SLC1A4: variants seen among roughly 807,000 people sequenced by gnomAD.
SLC1A4 encodes solute carrier family 1 member 4, also known as neutral amino acid transporter A.
Under a neutral mutation model 37.7 loss-of-function variants are expected in SLC1A4, and 19 were observed. The observed-to-expected ratio is 0.50, with a 90% CI of 0.35 to 0.74. The LOEUF (loss-of-function observed/expected upper bound fraction) is 0.74, where lower values mean the gene tolerates loss of function less well. Among genes scored for constraint, SLC1A4 ranks in the 30% least tolerant of loss-of-function variants. The pLI is 0.01. For synonymous variants in SLC1A4, 299 were observed against 309.8 expected, an observed-to-expected ratio of 0.97 and a Z score of 0.37; for missense variants, 570 against 712.9, an observed-to-expected ratio of 0.80 and a Z score of 2.28.
rs537247092 is a variant in SLC1A4, at chr2:65,003,937, T to G, written c.571-16T>G. On this transcript the variant is annotated splice_polypyrimidine_tract_variant and intron_variant, in intron 2 of 7. Coordinates refer to ENST00000234256, the MANE Select transcript of SLC1A4 (RefSeq NM_003038.5). ...CTGTGCACTAACAGTGGGTTTTTTT[T>G]TCCTCTTGATCACAGTATGCAACCG... 1.9e-6 allele frequency: 3 copies of G among 1,612,946 alleles called. No homozygotes were observed. The highest frequency in any genetic ancestry group is 4.5e-5 in the East Asian group (2 of 44,884).
chr2:64,998,429 A>AG (rs1283334481), intron 1 of SLC1A4, among the ~76,000 whole-genome samples: 1 of 152,114 alleles, frequency 6.6e-6, no homozygotes, highest in East Asian at 1.9e-4. Context: ...CAAAAAAAAA[A>AG]AAAAAAATCT....
chr2:65,003,695 A>G (rs533148471), intron 2 of SLC1A4, among the ~76,000 whole-genome samples: 46 of 152,340 alleles, frequency 3.0e-4, no homozygotes, highest in Non-Finnish European at 2.5e-4. Context: ...CATTGCCCAA[A>G]GAACATAAGG....
chr2:64,989,605 G>C lies in SLC1A4; in HGVS notation c.-39G>C. 1 of 1,440,994 alleles carries C rather than the reference G, an allele frequency of 6.9e-7. No individual in the cohort carries two copies. The highest frequency in any genetic ancestry group is 9.1e-7 in the Non-Finnish European group (1 of 1,099,346). The allele number at this position is 1,440,994 out of a possible 1,614,324, so 89.3% of individuals were successfully genotyped here. A position where few individuals can be genotyped will look rare whatever the true frequency, so the allele number is the denominator to read the frequency against. ...AACCCCGTCTTTTGCCAGAGCCCAC[G>C]TCCCCTGCCACCTCTAGCTCGGAGC... is the stretch of plus-strand genomic sequence containing the variant. On this transcript the variant is annotated 5_prime_UTR_variant, in exon 1 of 8. Coordinates refer to ENST00000234256, the MANE Select transcript of SLC1A4 (RefSeq NM_003038.5).
intron 5 of SLC1A4, among the ~76,000 whole-genome samples, 171 bp downstream of exon 5, chr2:65,016,844 C>T (rs1156993944): frequency 1.3e-5 from 2 of 152,150 alleles, no homozygotes; most frequent in Non-Finnish European, 2.9e-5. Flanking sequence ...AGGATCTTCC[C>T]GTGATTGCCC....
At chr2:65,015,416 G>GA (rs962565263) in intron 4 of SLC1A4, among the ~76,000 whole-genome samples, 4 of 151,756 alleles carry the variant, frequency 2.6e-5, no homozygotes, top group African/African-American at 7.3e-5. Flanking sequence ...GGGTGAAAAA[G>GA]AAAAAAACAC....
rs796519299 is a variant in SLC1A4, at chr2:64,993,759, G to C, written c.527+3589G>C. 5.3e-5 allele frequency among the ~76,000 whole-genome samples: 8 copies of C among 152,286 alleles called. 1 individual carries two copies. The highest frequency in any genetic ancestry group is 1.9e-4 in the African/African-American group (8 of 41,544). ...CATGTCCATAACTTTTCCATTCCTT[G>C]GTTTCCTCATCTTTATTATGGGAAT... On this transcript the variant is annotated intron_variant, in intron 1 of 7. Transcript: ENST00000234256.
chr2:64,998,298 G>A (rs1673342062), intron 1 of SLC1A4, among the ~76,000 whole-genome samples: 1 of 151,658 alleles, frequency 6.6e-6, no homozygotes, highest in Non-Finnish European at 1.5e-5. Context: ...GTGCACACCT[G>A]TAGTCCCAAC....
chr2:65,011,220 G>C (rs1673904815), intron 4 of SLC1A4: 1 of 153,528 alleles, frequency 6.5e-6, no homozygotes, highest in Non-Finnish European at 1.4e-5. Context: ...ACAAGGACAA[G>C]TCCATTTTCA....
intron 3 of SLC1A4, among the ~76,000 whole-genome samples, chr2:65,005,531 G>A (rs1673638665): frequency 6.6e-6 from 1 of 152,134 alleles, no homozygotes; most frequent in African/African-American, 2.4e-5. Flanking sequence ...TGCTTTCCAG[G>A]TAAGTGGCTC....
chr2:64,997,824 G>A (rs769111506), intron 1 of SLC1A4, among the ~76,000 whole-genome samples: 10 of 151,638 alleles, frequency 6.6e-5, no homozygotes, highest in African/African-American at 2.0e-4. Context: ...GGAGTGGGCC[G>A]GGCGTGGTGG....
chr2:65,004,339 T>C (rs1673594208), intron 3 of SLC1A4, among the ~76,000 whole-genome samples: 2 of 152,226 alleles, frequency 1.3e-5, no homozygotes, highest in African/African-American at 4.8e-5. Flanking sequence ...TGAACTGAAC[T>C]CTTGGCCTCA....
chr2:64,996,957 G>C (rs932951100), intron 1 of SLC1A4, among the ~76,000 whole-genome samples: 1 of 152,190 alleles, frequency 6.6e-6, no homozygotes, highest in Admixed American at 6.5e-5. Flanking sequence ...GATTAGAAGA[G>C]AGCTCAGGAG....
chr2:65,018,260 C>T lies in SLC1A4; in HGVS notation c.1224C>T (p.Thr408=), dbSNP rs1363405707. Residue 408 remains threonine, a synonymous_variant, in exon 6 of 8, where the codon ACC becomes ACT. Transcript: ENST00000234256. The surrounding 1 kb of genome is among the most constrained non-coding windows in gnomAD (Gnocchi z 4.3). The part of the protein sequence containing the change: ...NVELNAGQIF[T]ILVTATASSV... Reference sequence around the variant, plus strand: ...AGCTCAACGCAGGACAGATTTTCACCATTCTGTAAGTTCCTCATTCTTTCC... The same window carrying T: ...AGCTCAACGCAGGACAGATTTTCACTATTCTGTAAGTTCCTCATTCTTTCC... The T allele has an allele frequency of 1.2e-6, 2 of 1,612,140 alleles. No homozygotes were observed. The highest frequency in any genetic ancestry group is 1.3e-5 in the African/African-American group (1 of 74,968).
Position 65,021,568 on chromosome 2 carries a change from T to C in SLC1A4, c.*422T>C, listed in dbSNP as rs887757829. The C allele has an allele frequency of 4.3e-5, 7 of 163,432 alleles. No homozygotes were observed. Among genetic ancestry groups the C allele is most frequent in the African/African-American group, 1.7e-4 (7 of 41,748 alleles). 10.1% of individuals were successfully genotyped at this position (163,432 alleles called of 1,614,324 possible). ...GGGGGTTTATAGTCATCTGTCGCATTGCCTCGAGTTGCAGTAATTGAAAAA... is the reference window on the plus strand; with the variant it reads ...GGGGGTTTATAGTCATCTGTCGCATCGCCTCGAGTTGCAGTAATTGAAAAA... On this transcript the variant is annotated 3_prime_UTR_variant, in exon 8 of 8. Coordinates refer to ENST00000234256, the MANE Select transcript of SLC1A4 (RefSeq NM_003038.5).
chr2:65,016,705 G>T (rs756488611), intron 5 of SLC1A4, 32 bp downstream of exon 5: 6 of 1,458,808 alleles, frequency 4.1e-6, no homozygotes, highest in Non-Finnish European at 5.8e-6. Context: ...TCACTGCTCT[G>T]AGCCATGTTA....
At chr2:64,992,972 T>C (rs996603082) in intron 1 of SLC1A4, among the ~76,000 whole-genome samples, 1 of 152,256 alleles carries the variant, frequency 6.6e-6, no homozygotes, top group Non-Finnish European at 1.5e-5. Context: ...GGAGAGTCTC[T>C]GACATCAAAA....
chr2:64,989,564 C>T lies in SLC1A4; in HGVS notation c.-80C>T. 1 of 1,289,592 alleles carries T rather than the reference C, an allele frequency of 7.8e-7. No homozygotes were observed. The allele number at this position is 1,289,592 out of a possible 1,614,324, so 79.9% of individuals were successfully genotyped here. A position where few individuals can be genotyped will look rare whatever the true frequency, so the allele number is the denominator to read the frequency against. Reference sequence around the variant, plus strand: ...AACCTGCGGAGCACAACTGGCCGACCGACCCATTCATTGGGAACCCCGTCT... The same window carrying T: ...AACCTGCGGAGCACAACTGGCCGACTGACCCATTCATTGGGAACCCCGTCT... On this transcript the variant is annotated 5_prime_UTR_variant, in exon 1 of 8. Transcript: ENST00000234256.
At chr2:64,990,516 G>A (rs1339114797) in intron 1 of SLC1A4, among the ~76,000 whole-genome samples, 1 of 152,174 alleles carries the variant, frequency 6.6e-6, no homozygotes, top group African/African-American at 2.4e-5. Context: ...AAAATGTTCC[G>A]ACCACGCCCC....
intron 1 of SLC1A4, among the ~76,000 whole-genome samples, chr2:64,992,961 T>C (rs1673115248): frequency 6.6e-6 from 1 of 152,238 alleles, no homozygotes; most frequent in South Asian, 2.1e-4. Flanking sequence ...TTCCTGAGTC[T>C]GGAGAGTCTC....
Sources: gnomAD v4.1 joint callset for allele counts (sites outside exome capture counted in the v4.1 genomes callset) on GRCh38, gnomAD v4.1.1 for gene constraint, Gnocchi (gnomAD v3.1) non-coding constraint, MANE v1.5 for transcripts, NCBI Gene and HGNC (gene_info 2026-07-23, HGNC 2026-07-21) for gene names.